ADGRB1: variants seen among roughly 807,000 people sequenced by gnomAD.
The protein encoded by ADGRB1 is brain-specific angiogenesis inhibitor 1.
A neutral mutation model predicts 175.7 loss-of-function variants in ADGRB1; 36 were observed. The observed-to-expected ratio is 0.20, with a 90% CI of 0.16 to 0.27. ADGRB1 has a LOEUF of 0.27. Ranked by LOEUF, ADGRB1 falls within the 10% of genes least tolerant of loss-of-function variation. The pLI, the probability that ADGRB1 is intolerant of heterozygous loss-of-function variation, is 1.00. For synonymous variants in ADGRB1, 1,054 were observed against 979.4 expected (o/e 1.08, Z -1.42); for missense variants, 1,731 against 2,255.3 (o/e 0.77, Z 4.71).
intron 1 of ADGRB1, among the ~76,000 whole-genome samples, chr8:142,459,803 C>CGAGG (rs759806234): frequency 2.2e-4 from 33 of 152,336 alleles, no homozygotes; most frequent in Non-Finnish European, 4.1e-4. Context: ...ACCAGCCCCT[C>CGAGG]CCCCATTTGC....
chr8:142,476,821 A>G (rs1475019654), intron 4 of ADGRB1, 126 bp downstream of exon 4: 13 of 1,062,590 alleles, frequency 1.2e-5, no homozygotes, highest in African/African-American at 1.6e-5. Flanking sequence ...CCTTAGGTGC[A>G]GGGCTCTTGT....
chr8:142,502,403 T>C (rs1842638988), intron 17 of ADGRB1, among the ~76,000 whole-genome samples: 6 of 72,882 alleles, frequency 8.2e-5, no homozygotes, highest in Admixed American at 1.4e-4. Flanking sequence ...GTGGTGATGG[T>C]GGTGGTGGTG....
chr8:142,524,587 C>T (rs755467773), intron 23 of ADGRB1, among the ~76,000 whole-genome samples: 5 of 152,282 alleles, frequency 3.3e-5, no homozygotes, highest in Non-Finnish European at 4.4e-5. Flanking sequence ...GAGATCCCCG[C>T]GGGTGTGGTG....
At chr8:142,451,493 C>T (rs1587227219) in intron 1 of ADGRB1, among the ~76,000 whole-genome samples, 1 of 152,246 alleles carries the variant, frequency 6.6e-6, no homozygotes, top group East Asian at 1.9e-4. Context: ...GGCTGCAACT[C>T]CGGAGTAGTT....
chr8:142,449,702 A>AGCGGCGGGCGCAGGCG lies in ADGRB1; in HGVS notation c.-614_-599dup, dbSNP rs1554600489. 7.7e-6 allele frequency: 1 copy of AGCGGCGGGCGCAGGCG among 129,296 alleles called. No individual in the cohort carries two copies. Among genetic ancestry groups the AGCGGCGGGCGCAGGCG allele is most frequent in the African/African-American group, 2.9e-5 (1 of 34,122 alleles). 8.0% of individuals were successfully genotyped at this position (129,296 alleles called of 1,614,324 possible). ...GAGCGGCGGCGGCGGCCGGAGAGGG[A>AGCGGCGGGCGCAGGCG]GCGGCGGGCGCAGGCGGCGGCGGCG... On this transcript the variant is annotated 5_prime_UTR_variant, in exon 1 of 31. Coordinates refer to ENST00000517894, the MANE Select transcript of ADGRB1 (RefSeq NM_001702.3).
Position 142,483,964 on chromosome 8 carries a change from C to G in ADGRB1, c.2131-13C>G. The G allele has an allele frequency of 6.2e-7, 1 of 1,613,082 alleles. No homozygotes were observed. Among genetic ancestry groups the G allele is most frequent in the African/African-American group, 1.3e-5 (1 of 75,014 alleles). The stretch of plus-strand genomic sequence containing the variant: ...TGTTCTCTGTCACTGGCCCTTCTTC[C>G]TCTTCTTTCCAGAACTTTGTCCAGA... On this transcript the variant is annotated splice_polypyrimidine_tract_variant and intron_variant, in intron 11 of 30. Transcript: ENST00000517894.
At chr8:142,472,739 A>G (rs1840737895) in intron 2 of ADGRB1, among the ~76,000 whole-genome samples, 1 of 152,186 alleles carries the variant, frequency 6.6e-6, no homozygotes, top group Non-Finnish European at 1.5e-5. Context: ...GGCTCAGTAT[A>G]TAACAGGATC....
intron 19 of ADGRB1, among the ~76,000 whole-genome samples, chr8:142,518,461 G>A (rs553957867): frequency 9.0e-4 from 137 of 152,178 alleles, no homozygotes; most frequent in Middle Eastern, 3.4e-3. Context: ...TGTACATGCC[G>A]CACAAACACA....
Position 142,510,989 on chromosome 8 carries a change from G to A in ADGRB1, c.2733G>A (p.Thr911=), listed in dbSNP as rs938192062. The A allele has an allele frequency of 3.1e-6, 4 of 1,290,220 alleles. No homozygotes were observed. The highest frequency in any genetic ancestry group is 4.0e-6 in the Non-Finnish European group (4 of 1,000,320). 79.9% of individuals were successfully genotyped at this position (1,290,220 alleles called of 1,614,324 possible). A position where few individuals can be genotyped will look rare whatever the true frequency, so the allele number is the denominator to read the frequency against. The change falls in exon 18 of 31, where the codon ACG becomes ACA. Residue 911 remains threonine, a synonymous_variant. Coordinates refer to ENST00000517894, the MANE Select transcript of ADGRB1 (RefSeq NM_001702.3). The surrounding 1 kb of genome is among the most constrained non-coding windows in gnomAD (Gnocchi z 6.3). ...CCTGGTCGTGGCGCGGCTGCCGCAC[G>A]GTGCCCCTCGACGCCCTCCGGACGC... ...LGPWSWRGCR[T]VPLDALRTRC...
In ADGRB1 at chr8:142,464,872, C is replaced by T. The variant is rs1167434153; in HGVS notation, c.674C>T (p.Ala225Val). 1.1e-5 allele frequency: 17 copies of T among 1,521,178 alleles called. No homozygotes were observed. The highest frequency in any genetic ancestry group is 6.2e-5 in the Admixed American group (3 of 48,544). The allele number at this position is 1,521,178 out of a possible 1,614,324, so 94.2% of individuals were successfully genotyped here. ...GGCGGCGAGGCGGGCGGCCCTGCCG[C>T]GGGACCCCTGGCCCCCCGCGGGGAT... ...CLGGEAGGPA[A>V]GPLAPRGDVC... The change falls in exon 2 of 31, where the codon GCG (alanine) becomes GTG (valine). Residue 225 changes from alanine (A) to valine (V), a missense_variant. Around this residue, in one of 8 missense-constraint regions of ADGRB1, gnomAD observed 383 missense variants for 383.1 expected, o/e 1.00. Coordinates refer to ENST00000517894, the MANE Select transcript of ADGRB1 (RefSeq NM_001702.3).
intron 1 of ADGRB1, among the ~76,000 whole-genome samples, chr8:142,462,135 G>A (rs1840001478): frequency 6.6e-6 from 1 of 152,170 alleles, no homozygotes; most frequent in South Asian, 2.1e-4. Context: ...ATCTTCCCAG[G>A]TCTGCCACGA....
At chr8:142,508,420 G>A (rs1842937317) in intron 17 of ADGRB1, among the ~76,000 whole-genome samples, 1 of 152,192 alleles carries the variant, frequency 6.6e-6, no homozygotes, top group African/African-American at 2.4e-5. Flanking sequence ...TGTAGGATCT[G>A]GGGTGTCATT....
intron 1 of ADGRB1, among the ~76,000 whole-genome samples, chr8:142,450,443 C>A (rs1020646362): frequency 1.3e-5 from 2 of 152,160 alleles, no homozygotes; most frequent in South Asian, 4.1e-4. Flanking sequence ...CTCTTCATCA[C>A]ATGCACAGGG....
At chr8:142,528,612 G>A (rs750447082) in intron 24 of ADGRB1, among the ~76,000 whole-genome samples, 10 of 152,250 alleles carry the variant, frequency 6.6e-5, no homozygotes, top group Admixed American at 1.3e-4. Context: ...CTCTGCCGCC[G>A]ATGCCACCTC....
At chr8:142,513,423 A>T (rs768476873) in intron 18 of ADGRB1, among the ~76,000 whole-genome samples, 8 of 152,106 alleles carry the variant, frequency 5.3e-5, no homozygotes, top group Middle Eastern at 6.8e-3. Context: ...TTTCCACACC[A>T]CCTCTTCCTC....
In ADGRB1 at chr8:142,542,276, C is replaced by T. The variant is rs1316178822; in HGVS notation, c.4042C>T (p.Leu1348=). 1.4e-5 allele frequency: 22 copies of T among 1,613,342 alleles called. No homozygotes were observed. In the South Asian group the frequency reaches 1.9e-4, roughly 14 times the overall value. The change falls in exon 28 of 31, where the codon CTG becomes TTG. Residue 1348 remains leucine, a synonymous_variant. Coordinates refer to ENST00000517894, the MANE Select transcript of ADGRB1 (RefSeq NM_001702.3). The surrounding 1 kb of genome is among the most constrained non-coding windows in gnomAD (Gnocchi z 6.3). Reference sequence around the variant, plus strand: ...GGCTCTGGACACGAGCTACGTGATCCTGCCCACGGCCACGGCCACGCTGCG... The same window carrying T: ...GGCTCTGGACACGAGCTACGTGATCTTGCCCACGGCCACGGCCACGCTGCG... ...EKALDTSYVI[L]PTATATLRPK...
In ADGRB1 at chr8:142,455,170, A is replaced by ACACTG. The variant is rs1839596251; in HGVS notation, c.-220+5070_-220+5074dup. ...TCAGCCGCACCCTGCCGCCGGCACC[A>ACACTG]CACTGCACCATCATTCCTATCTGAC... On this transcript the variant is annotated intron_variant, in intron 1 of 30. Transcript: ENST00000517894. The surrounding 1 kb of genome is among the most constrained non-coding windows in gnomAD (Gnocchi z 4.9). Among the ~76,000 whole-genome samples, 1 of 120,538 alleles carries ACACTG rather than the reference A, an allele frequency of 8.3e-6. No individual in the cohort carries two copies. The highest frequency in any genetic ancestry group is 3.0e-4 in the South Asian group (1 of 3,302). 79.1% of individuals were successfully genotyped at this position (120,538 alleles called of 152,430 possible).
chr8:142,529,988 G>T (rs1459781956), intron 24 of ADGRB1, among the ~76,000 whole-genome samples: 1 of 150,290 alleles, frequency 6.7e-6, no homozygotes, highest in Non-Finnish European at 1.5e-5. Flanking sequence ...ACGTGCATCT[G>T]TGTGTGTGAG....
At chr8:142,450,852 T>C (rs1170682181) in intron 1 of ADGRB1, among the ~76,000 whole-genome samples, 1 of 152,142 alleles carries the variant, frequency 6.6e-6, no homozygotes, top group African/African-American at 2.4e-5. Flanking sequence ...ACCTTTCCAC[T>C]GGGTCGGACA....
Sources: gnomAD v4.1 joint callset for allele counts (sites outside exome capture counted in the v4.1 genomes callset) on GRCh38, gnomAD v4.1.1 for gene constraint, gnomAD v4.1.1 regional missense constraint, Gnocchi (gnomAD v3.1) non-coding constraint, MANE v1.5 for transcripts, NCBI Gene and HGNC (gene_info 2026-07-23, HGNC 2026-07-21) for gene names.